CWF19L2: variants seen among roughly 807,000 people sequenced by gnomAD.
The protein encoded by CWF19L2 is CWF19 like cell cycle control factor 2, also known as CWF19-like protein 2.
In CWF19L2, 98 loss-of-function variants were observed where a neutral mutation model predicts 111.7. The ratio of observed to expected loss-of-function variants is 0.88; its 90% CI spans 0.75 to 1.04. CWF19L2 has a LOEUF of 1.04. Among genes scored for constraint, CWF19L2 ranks in the 50% least tolerant of loss-of-function variants. The pLI is 0.00. For missense variants in CWF19L2, 1,101 were observed against 1,051.4 expected (o/e 1.05, Z -0.65); for synonymous variants, 351 against 342.9 (o/e 1.02, Z -0.26).
chr11:107,374,447 G>A (rs1241984722), intron 12 of CWF19L2, among the ~76,000 whole-genome samples: 1,014 of 98,880 alleles, frequency 0.01, no homozygotes, highest in African/African-American at 0.016. Flanking sequence ...CAAGCCAGAA[G>A]AGAGTGGGGG....
Position 107,457,701 on chromosome 11 carries a change from A to G in CWF19L2, c.105+11T>C. 1 of 1,545,954 alleles carries G rather than the reference A, an allele frequency of 6.5e-7. No homozygotes were observed. Among genetic ancestry groups the G allele is most frequent in the South Asian group, 1.2e-5 (1 of 83,968 alleles). On this transcript the variant is annotated intron_variant, in intron 1 of 17. Transcript: ENST00000282251. ...CAATAAATAACTACAAAAGCCCCAA[A>G]ACAGAGGTACCTGGCGCAACACCTC...
chr11:107,442,799 GGA>G lies in CWF19L2; in HGVS notation c.450+138_450+139del, dbSNP rs1206470791. ...GGAAGGAAGGAAGGAAGGAAGGGAG[GGA>G]GGGAGGGAGGGAGGGAGGGGGAGGG... On this transcript the variant is annotated intron_variant, in intron 4 of 17. Transcript: ENST00000282251. 1,311 of 225,026 alleles carry G rather than the reference GGA, an allele frequency of 5.8e-3. 88 individuals are homozygous for G. The African/African-American group carries it at 0.065, about 11-fold the overall frequency. The allele number at this position is 225,026 out of a possible 1,614,324, so 13.9% of individuals were successfully genotyped here. A position where few individuals can be genotyped will look rare whatever the true frequency, so the allele number is the denominator to read the frequency against.
At chr11:107,407,818 G>A (rs1471754063) in intron 10 of CWF19L2, among the ~76,000 whole-genome samples, 1 of 151,852 alleles carries the variant, frequency 6.6e-6, no homozygotes, top group Non-Finnish European at 1.5e-5. Context: ...TTAGACCTGA[G>A]AAAATACTGT....
chr11:107,386,300 C>T (rs1474656309), intron 12 of CWF19L2, among the ~76,000 whole-genome samples: 4 of 152,104 alleles, frequency 2.6e-5, no homozygotes, highest in South Asian at 2.1e-4. Context: ...AGGTGTGAGC[C>T]GCCACTCCTG....
intron 12 of CWF19L2, among the ~76,000 whole-genome samples, chr11:107,358,236 G>C (rs981293886): frequency 1.3e-5 from 2 of 151,950 alleles, no homozygotes; most frequent in African/African-American, 2.4e-5. Flanking sequence ...TAAACATATG[G>C]CTTACCACAG....
intron 11 of CWF19L2, among the ~76,000 whole-genome samples, chr11:107,391,879 T>C (rs1032404447): frequency 6.6e-6 from 1 of 152,182 alleles, no homozygotes; most frequent in Non-Finnish European, 1.5e-5. Context: ...AAGAGCAAAC[T>C]CTACTCATGA....
intron 10 of CWF19L2, among the ~76,000 whole-genome samples, chr11:107,411,089 GCACACACACACA>G (rs146846176): frequency 6.7e-5 from 10 of 148,782 alleles, no homozygotes; most frequent in South Asian, 6.5e-4. Context: ...GCGCGTGCGT[GCACACACACACA>G]CACACACACA....
chr11:107,415,438 T>G (rs1289357162), intron 10 of CWF19L2, among the ~76,000 whole-genome samples: 1 of 152,202 alleles, frequency 6.6e-6, no homozygotes, highest in Non-Finnish European at 1.5e-5. Context: ...TTTTTATAAT[T>G]TATTGTTTCC....
chr11:107,341,504 T>C (rs1791860420), intron 14 of CWF19L2, among the ~76,000 whole-genome samples: 1 of 152,190 alleles, frequency 6.6e-6, no homozygotes, highest in African/African-American at 2.4e-5. Context: ...ATTTTGTTGA[T>C]AATTTTTACA....
chr11:107,342,814 T>C (rs1860024438), intron 14 of CWF19L2, among the ~76,000 whole-genome samples: 1 of 152,102 alleles, frequency 6.6e-6, no homozygotes, highest in Non-Finnish European at 1.5e-5. Flanking sequence ...ATATCTTAAA[T>C]GTAATTAAAA....
chr11:107,410,326 T>C (rs1473243505), intron 10 of CWF19L2, among the ~76,000 whole-genome samples: 1 of 152,150 alleles, frequency 6.6e-6, no homozygotes, highest in Admixed American at 6.6e-5. Flanking sequence ...CTGGATCTGA[T>C]GGAATAAATT....
At chr11:107,382,120 C>T (rs541912759) in intron 12 of CWF19L2, among the ~76,000 whole-genome samples, 2 of 152,220 alleles carry the variant, frequency 1.3e-5, no homozygotes, top group African/African-American at 2.4e-5. Flanking sequence ...CAAGGTAACA[C>T]TGACGTCTTA....
intron 10 of CWF19L2, among the ~76,000 whole-genome samples, chr11:107,399,520 T>C (rs1860970968): frequency 6.6e-6 from 1 of 151,980 alleles, no homozygotes; most frequent in Non-Finnish European, 1.5e-5. Context: ...AACAGGAAAA[T>C]ATCACAATCC....
chr11:107,340,804 C>T (rs1591150792), intron 14 of CWF19L2, among the ~76,000 whole-genome samples: 1 of 152,118 alleles, frequency 6.6e-6, no homozygotes, highest in Admixed American at 6.6e-5. Flanking sequence ...GTTGACTCTC[C>T]TAATCCATAA....
At chr11:107,457,402 C>A (rs569544429) in intron 1 of CWF19L2, among the ~76,000 whole-genome samples, 5 of 152,206 alleles carry the variant, frequency 3.3e-5, no homozygotes, top group African/African-American at 1.2e-4. Flanking sequence ...TCCTTACAAG[C>A]CGCAGGGGAC....
At chr11:107,348,876 C>T (rs992052962) in intron 14 of CWF19L2, 61 bp downstream of exon 14, 1 of 916,166 alleles carries the variant, frequency 1.1e-6, no homozygotes, top group Admixed American at 2.2e-5. Context: ...GAATTTATCA[C>T]AATAATTTAC....
At chr11:107,443,437 C>A (rs1362857202) in intron 3 of CWF19L2, among the ~76,000 whole-genome samples, 1 of 151,866 alleles carries the variant, frequency 6.6e-6, no homozygotes, top group Non-Finnish European at 1.5e-5. Flanking sequence ...GAGCTAAGAT[C>A]ACACCACTGC....
intron 10 of CWF19L2, among the ~76,000 whole-genome samples, chr11:107,404,760 G>C (rs1427429432): frequency 6.6e-6 from 1 of 152,148 alleles, no homozygotes; most frequent in Non-Finnish European, 1.5e-5. Flanking sequence ...CTCAATAAAT[G>C]CTTGATAAAT....
intron 12 of CWF19L2, among the ~76,000 whole-genome samples, chr11:107,369,758 C>A (rs956469718): frequency 7.2e-6 from 1 of 138,316 alleles, no homozygotes; most frequent in African/African-American, 2.9e-5. Context: ...CTAGAGCCAA[C>A]TGCCAACTTG....
Sources: gnomAD v4.1 joint callset for allele counts (sites outside exome capture counted in the v4.1 genomes callset) on GRCh38, gnomAD v4.1.1 for gene constraint, MANE v1.5 for transcripts, NCBI Gene and HGNC (gene_info 2026-07-23, HGNC 2026-07-21) for gene names.